Variants in CDH17 observed in about 807,000 individuals in gnomAD.
CDH17 encodes cadherin 17.
Under a neutral mutation model 86.3 loss-of-function variants are expected in CDH17, and 67 were observed. That is an observed-to-expected ratio of 0.78 (90% CI 0.64 to 0.95). CDH17 has a LOEUF of 0.95. Ranked by LOEUF, CDH17 falls within the 40% of genes least tolerant of loss-of-function variation. The probability of loss-of-function intolerance (pLI) is 0.00; values close to 1 mark genes in which losing one functional copy is unlikely to be tolerated. For synonymous variants in CDH17, 367 were observed against 366.4 expected (o/e 1.00, Z -0.02); for missense variants, 993 against 1,017.6 (o/e 0.98, Z 0.33).
chr8:94,172,248 T>C (rs925629234), intron 7 of CDH17, among the ~76,000 whole-genome samples: 7 of 151,982 alleles, frequency 4.6e-5, no homozygotes, highest in African/African-American at 1.7e-4. Flanking sequence ...CAATCAGAAA[T>C]TCTCATGGTA....
At chr8:94,154,668 C>T (rs1444515690) in intron 12 of CDH17, among the ~76,000 whole-genome samples, 1 of 152,206 alleles carries the variant, frequency 6.6e-6, no homozygotes, top group Non-Finnish European at 1.5e-5. Flanking sequence ...TCCGTGTCGG[C>T]TTCCTGATCC....
chr8:94,189,900 A>T (rs1043540487), intron 2 of CDH17, among the ~76,000 whole-genome samples: 2 of 152,234 alleles, frequency 1.3e-5, no homozygotes, highest in Non-Finnish European at 2.9e-5. Context: ...AGCTCTTTAC[A>T]TTCATTTAGA....
At chr8:94,190,246 G>A (rs1289642332) in intron 2 of CDH17, among the ~76,000 whole-genome samples, 2 of 152,232 alleles carry the variant, frequency 1.3e-5, no homozygotes, top group Admixed American at 1.3e-4. Context: ...TGCAACTCTG[G>A]AACCAGCCCT....
chr8:94,193,029 C>G (rs1360245825), intron 2 of CDH17, among the ~76,000 whole-genome samples: 2 of 152,144 alleles, frequency 1.3e-5, no homozygotes, highest in Non-Finnish European at 2.9e-5. Flanking sequence ...TCCCTCCCAA[C>G]ACCCCTGAAA....
At chr8:94,134,646 C>G (rs1316722444) in intron 15 of CDH17, among the ~76,000 whole-genome samples, 2 of 152,038 alleles carry the variant, frequency 1.3e-5, no homozygotes, top group African/African-American at 4.8e-5. Flanking sequence ...TTTTTTGTGT[C>G]TCTATCATCT....
At chr8:94,214,843 G>C (rs763866837) in intron 1 of CDH17, among the ~76,000 whole-genome samples, 2 of 152,040 alleles carry the variant, frequency 1.3e-5, no homozygotes, top group Non-Finnish European at 2.9e-5. Context: ...TTTTTTAAAA[G>C]ATATACAAAT....
intron 15 of CDH17, among the ~76,000 whole-genome samples, chr8:94,145,084 G>A (rs772201931): frequency 2.0e-5 from 3 of 152,202 alleles, no homozygotes; most frequent in Non-Finnish European, 4.4e-5. Flanking sequence ...AATTTGGAAA[G>A]TAGTTCAACC....
chr8:94,186,852 G>A (rs1586270808), intron 3 of CDH17, among the ~76,000 whole-genome samples: 4 of 152,288 alleles, frequency 2.6e-5, no homozygotes, highest in Non-Finnish European at 2.9e-5. Context: ...GCTATAGGAC[G>A]AAGGGCTAGT....
chr8:94,128,531 T>G (rs910171925), intron 17 of CDH17, among the ~76,000 whole-genome samples, 191 bp from the exon 18 acceptor site: 2 of 152,194 alleles, frequency 1.3e-5, no homozygotes, highest in Non-Finnish European at 2.9e-5. Flanking sequence ...GAGCTTATCA[T>G]TTATCCTGTT....
At chr8:94,166,419 A>G (rs1813158991) in intron 9 of CDH17, among the ~76,000 whole-genome samples, 1 of 152,154 alleles carries the variant, frequency 6.6e-6, no homozygotes, top group South Asian at 2.1e-4. Flanking sequence ...TTTTACTTTC[A>G]TTACCTCTTT....
intron 1 of CDH17, among the ~76,000 whole-genome samples, chr8:94,214,037 C>T (rs1047890266): frequency 3.9e-5 from 6 of 152,162 alleles, no homozygotes; most frequent in African/African-American, 1.2e-4. Context: ...CTGGTCAAAG[C>T]TCTGGTTTTC....
At chr8:94,160,853 T>C (rs1370687833) in intron 11 of CDH17, among the ~76,000 whole-genome samples, 2 of 152,176 alleles carry the variant, frequency 1.3e-5, no homozygotes, top group Non-Finnish European at 2.9e-5. Context: ...AGCAAAGGCT[T>C]GGAGAAGTAA....
intron 9 of CDH17, among the ~76,000 whole-genome samples, chr8:94,166,511 G>T (rs540518387): frequency 2.6e-5 from 4 of 152,216 alleles, no homozygotes; most frequent in Non-Finnish European, 5.9e-5. Flanking sequence ...GGAGGGGGAA[G>T]ATGTAGCCTA....
chr8:94,163,091 G>A (rs1167113432), intron 10 of CDH17, among the ~76,000 whole-genome samples: 1 of 152,170 alleles, frequency 6.6e-6, no homozygotes, highest in South Asian at 2.1e-4. Context: ...GTTGTTAGCG[G>A]CCTCTATATA....
intron 14 of CDH17, among the ~76,000 whole-genome samples, chr8:94,148,541 C>CAAAAAAAAAAAA (rs59942237): frequency 6.8e-5 from 2 of 29,202 alleles, no homozygotes; most frequent in African/African-American, 1.0e-4. Context: ...GACTCCATCT[C>CAAAAAAAAAAAA]AAAAAAAAAA....
intron 13 of CDH17, 111 bp from the exon 14 acceptor site, chr8:94,148,985 A>C: frequency 1.3e-6 from 1 of 775,090 alleles, no homozygotes; most frequent in Admixed American, 3.0e-5. Context: ...TATGTTGTAA[A>C]TAATATACAA....
At chr8:94,140,635 C>G (rs1157302929) in intron 15 of CDH17, among the ~76,000 whole-genome samples, 7 of 151,854 alleles carry the variant, frequency 4.6e-5, no homozygotes, top group African/African-American at 9.7e-5. Flanking sequence ...TCAATGAAAC[C>G]AAAAGCTGGT....
intron 15 of CDH17, among the ~76,000 whole-genome samples, chr8:94,131,792 T>TAC (rs1178476951): frequency 6.6e-6 from 1 of 152,206 alleles, no homozygotes; most frequent in Non-Finnish European, 1.5e-5. Flanking sequence ...ACTCGTCATT[T>TAC]ACATTAGGTA....
At chr8:94,140,630 G>C (rs1385255294) in intron 15 of CDH17, among the ~76,000 whole-genome samples, 1 of 151,970 alleles carries the variant, frequency 6.6e-6, no homozygotes, top group Admixed American at 6.5e-5. Flanking sequence ...AAAAATCAAT[G>C]AAACCAAAAG....
Sources: allele counts gnomAD v4.1 joint callset (sites outside exome capture counted in the v4.1 genomes callset), GRCh38; gene constraint gnomAD v4.1.1; transcripts MANE v1.5; gene names NCBI Gene and HGNC (gene_info 2026-07-23, HGNC 2026-07-21).